Variants in MUC3A observed in about 807,000 individuals in gnomAD.
MUC3A encodes the protein mucin 3A, cell surface associated.
Under a neutral mutation model 109.0 loss-of-function variants are expected in MUC3A, and 109 were observed. The ratio of observed to expected loss-of-function variants is 1.00; its 90% CI spans 0.86 to 1.17. The LOEUF is 1.17. MUC3A is among the 50% of genes most tolerant of loss of function. The pLI is 0.00. For synonymous variants in MUC3A, 1,398 were observed against 981.4 expected (o/e 1.42, Z -7.93); for missense variants, 3,537 against 2,469.4 (o/e 1.43, Z -9.16).
rs1367707763 is a variant in MUC3A at position 100,957,577 on chromosome 7, C to T, written c.5798C>T (p.Thr1933Ile). Residue 1933 changes from threonine to isoleucine, a missense_variant, in exon 2 of 12, where the codon ACC becomes ATC. Physicochemically the swap from Thr to Ile is moderately conservative, Grantham distance 89. Coordinates refer to ENST00000379458, the MANE Select transcript of MUC3A (RefSeq NM_005960.2). Reference sequence around the variant, plus strand: ...ACTTCTTCAATCACCACTACCGAGACCCCCTCACACAGTACTCCCAGATTC... The same window carrying T: ...ACTTCTTCAATCACCACTACCGAGATCCCCTCACACAGTACTCCCAGATTC... The part of the protein sequence containing the change: ...RFTSSITTTE[T>I]PSHSTPRFTS... 14 of 1,313,072 alleles carry T rather than the reference C, an allele frequency of 1.1e-5. No homozygotes were observed. The highest frequency in any genetic ancestry group is 1.2e-5 in the Non-Finnish European group (13 of 1,040,034). 81.3% of individuals were successfully genotyped at this position (1,313,072 alleles called of 1,614,324 possible). A position where few individuals can be genotyped will look rare whatever the true frequency, so the allele number is the denominator to read the frequency against.
chr7:100,959,576 C>T lies in MUC3A; in HGVS notation c.7797C>T (p.Val2599=), dbSNP rs1375103651. The T allele has an allele frequency of 1.3e-6, 2 of 1,595,224 alleles. No homozygotes were observed. Among genetic ancestry groups the T allele is most frequent in the Admixed American group, 1.7e-5 (1 of 59,818 alleles). ...GTQTSPAPTT[V]TFGSTDSSTS... ...AAACATCTCCTGCACCTACTACTGT[C>T]ACCTTTGGAAGTACGGATTCCTCCA... The change falls in exon 2 of 12, where the codon GTC becomes GTT. Residue 2599 remains valine, a synonymous_variant. Transcript: ENST00000379458.
intron 8 of MUC3A, 143 bp from the exon 9 acceptor site, chr7:100,966,243 A>AGACCCGTCCGCTGG (rs1792545612): frequency 2.3e-6 from 2 of 860,700 alleles, no homozygotes; most frequent in South Asian, 5.5e-5. Flanking sequence ...TCTAGGGTGG[A>AGACCCGTCCGCTGG]TTCCCAGCCC....
At chr7:100,961,001 C>G in intron 3 of MUC3A, 64 bp downstream of exon 3, 1 of 1,596,314 alleles carries the variant, frequency 6.3e-7, no homozygotes, top group Non-Finnish European at 8.5e-7. Flanking sequence ...TCTCCCCAGA[C>G]TTATCCCTCT....
intron 5 of MUC3A, chr7:100,963,956 C>A (rs1792432465): frequency 1.4e-6 from 1 of 707,026 alleles, no homozygotes; most frequent in Non-Finnish European, 2.4e-6. Flanking sequence ...TCTTCTTCAG[C>A]ACACTGGAAG....
rs1043884602 is a variant in MUC3A at position 100,959,816 on chromosome 7, C to G, written c.8037C>G (p.Thr2679=). 6.3e-7 allele frequency: 1 copy of G among 1,586,534 alleles called. No individual in the cohort carries two copies. The highest frequency in any genetic ancestry group is 8.5e-7 in the Non-Finnish European group (1 of 1,173,944). ...STNAILTSFS[T]IIWSSTPTII... ...ATGCAATCTTGACTTCTTTTAGTAC[C>G]ATCATCTGGTCCTCAACACCCACTA... is the stretch of plus-strand genomic sequence containing the variant. Residue 2679 remains threonine, a synonymous_variant, in exon 2 of 12, where the codon ACC becomes ACG. Coordinates refer to ENST00000379458, the MANE Select transcript of MUC3A (RefSeq NM_005960.2).
chr7:100,967,962 C>CCAGCCCTAAATACCCCAG lies in MUC3A; in HGVS notation c.*801_*802insAGCCCTAAATACCCCAGC, dbSNP rs1792684217. The CCAGCCCTAAATACCCCAG allele has an allele frequency of 6.5e-6, 1 of 153,738 alleles. No homozygotes were observed. Among genetic ancestry groups the CCAGCCCTAAATACCCCAG allele is most frequent in the African/African-American group, 2.4e-5 (1 of 41,274 alleles). 9.5% of individuals were successfully genotyped at this position (153,738 alleles called of 1,614,324 possible). A position where few individuals can be genotyped will look rare whatever the true frequency, so the allele number is the denominator to read the frequency against. ...TTCATCGGTTCTGCCCCCGACTCCC[C>CCAGCCCTAAATACCCCAG]CTGACCTAAATACCCCAGCTGCTGT... is the stretch of plus-strand genomic sequence containing the variant. On this transcript the variant is annotated 3_prime_UTR_variant, in exon 12 of 12. Coordinates refer to ENST00000379458, the MANE Select transcript of MUC3A (RefSeq NM_005960.2).
In MUC3A at chr7:100,959,181, A is replaced by T. The variant is rs779623241; in HGVS notation, c.7402A>T (p.Thr2468Ser). 3.1e-6 allele frequency: 5 copies of T among 1,596,584 alleles called. No homozygotes were observed. The highest frequency in any genetic ancestry group is 4.2e-6 in the Non-Finnish European group (5 of 1,179,188). Residue 2468 changes from threonine (T) to serine (S), a missense_variant, in exon 2 of 12, where the codon ACT becomes TCT. By Grantham distance (58) the Thr-to-Ser change is moderately conservative. Coordinates refer to ENST00000379458, the MANE Select transcript of MUC3A (RefSeq NM_005960.2). ...AITSHFTTSE[T>S]AVTPTPVTPS... is the part of the protein sequence containing the mutation. ...CACCTCACATTTTACTACCTCAGAG[A>T]CTGCGGTGACTCCCACACCTGTAAC...
At position 100,960,974 on chromosome 7, in the gene MUC3A, C is replaced by G. The variant is rs770546167; in HGVS notation, c.9052+37C>G. The G allele has an allele frequency of 4.4e-6, 7 of 1,598,276 alleles. No homozygotes were observed. The Admixed American group carries it at 1.2e-4, about 27-fold the overall frequency. ...GAGCTATGCCTTCTGCACTTCCTCCCACAGGGTGTCACTGACTCTCCCCAG... is the reference window on the plus strand; with the variant it reads ...GAGCTATGCCTTCTGCACTTCCTCCGACAGGGTGTCACTGACTCTCCCCAG... On this transcript the variant is annotated intron_variant, in intron 3 of 11. Transcript: ENST00000379458.
rs1792633307 is a variant in MUC3A, at chr7:100,967,326, T to G, written c.*164T>G. Reference sequence around the variant, plus strand: ...CAAATCCCATCCTTCTCCTTCCAACTTGGCTGAAACCCACCTGGAGACGCA... The same window carrying G: ...CAAATCCCATCCTTCTCCTTCCAACGTGGCTGAAACCCACCTGGAGACGCA... On this transcript the variant is annotated 3_prime_UTR_variant, in exon 12 of 12. Transcript: ENST00000379458. 8.2e-7 allele frequency: 1 copy of G among 1,216,478 alleles called. No individual in the cohort carries two copies. The highest frequency in any genetic ancestry group is 1.1e-6 in the Non-Finnish European group (1 of 879,708). 75.4% of individuals were successfully genotyped at this position (1,216,478 alleles called of 1,614,324 possible). A position where few individuals can be genotyped will look rare whatever the true frequency, so the allele number is the denominator to read the frequency against.
At chr7:100,964,632 G>A (rs939460826) in intron 5 of MUC3A, 63 bp from the exon 6 acceptor site, 44 of 1,545,104 alleles carry the variant, frequency 2.8e-5, no homozygotes, top group Non-Finnish European at 3.7e-5. Context: ...GCTTCTGGAG[G>A]TGCCCCTCCA....
chr7:100,964,654 GT>G (rs1563074596), intron 5 of MUC3A, 40 bp from the exon 6 acceptor site: 2 of 1,575,278 alleles, frequency 1.3e-6, no homozygotes, highest in Admixed American at 1.7e-5. Context: ...GGACCCATAT[GT>G]TCCTGGCTGG....
chr7:100,956,897 C>G lies in MUC3A; in HGVS notation c.5118C>G (p.Phe1706Leu), dbSNP rs1792110958. The change falls in exon 2 of 12, where the codon TTC becomes TTG. Residue 1706 changes from phenylalanine (F) to leucine (L), a missense_variant. Transcript: ENST00000379458. ...CATCACCTACAACCACCATGTCATT[C>G]ACAACATTTACAAAGATGGAAACAC... is the stretch of plus-strand genomic sequence containing the variant. Reference protein sequence around the residue: ...STPSPTTTMSFTTFTKMETPS... With the variant: ...STPSPTTTMSLTTFTKMETPS... The G allele has an allele frequency of 2.4e-6, 1 of 412,158 alleles. No homozygotes were observed. The highest frequency in any genetic ancestry group is 4.3e-5 in the Admixed American group (1 of 23,224). 25.5% of individuals were successfully genotyped at this position (412,158 alleles called of 1,614,324 possible).
chr7:100,953,097 A>C lies in MUC3A; in HGVS notation c.1318A>C (p.Ser440Arg), dbSNP rs1792015733. 13 of 969,698 alleles carry C rather than the reference A, an allele frequency of 1.3e-5. No individual in the cohort carries two copies. Among genetic ancestry groups the C allele is most frequent in the South Asian group, 1.2e-4 (9 of 72,212 alleles). 60.1% of individuals were successfully genotyped at this position (969,698 alleles called of 1,614,324 possible). A position where few individuals can be genotyped will look rare whatever the true frequency, so the allele number is the denominator to read the frequency against. The change falls in exon 2 of 12, where the codon AGT (serine) becomes CGT (arginine). Residue 440 changes from serine (S) to arginine (R), a missense_variant. Coordinates refer to ENST00000379458, the MANE Select transcript of MUC3A (RefSeq NM_005960.2). ...TSTTMTPSSLSTDIPFTTPTT... is the reference protein window; with the variant it reads ...TSTTMTPSSLRTDIPFTTPTT... ...CACAACCATGACCCCATCTTCTCTG[A>C]GTACAGACATCCCTTTCACAACACC...
Position 100,963,671 on chromosome 7 carries a change from G to T in MUC3A, c.9169-17G>T. The T allele has an allele frequency of 6.3e-7, 1 of 1,598,434 alleles. No individual in the cohort carries two copies. ...CTGCAGGTTCGGACGTGAGCCCAGG[G>T]ATCCTTGGTGTTTCAGATGCAGAAG... On this transcript the variant is annotated splice_polypyrimidine_tract_variant and intron_variant, in intron 4 of 11. Transcript: ENST00000379458.
chr7:100,959,948 C>T lies in MUC3A; in HGVS notation c.8169C>T (p.Gly2723=). ...ACATTTTCAGTACAGAAAATGTGGG[C>T]TCCGCTTCTATCACAGGCTTTCCTA... is the stretch of plus-strand genomic sequence containing the variant. ...SPYIFSTENV[G]SASITGFPSL... is the part of the protein sequence containing the mutation. The change falls in exon 2 of 12, where the codon GGC becomes GGT. Residue 2723 remains glycine (G), a synonymous_variant. Coordinates refer to ENST00000379458, the MANE Select transcript of MUC3A (RefSeq NM_005960.2). 2 of 1,510,352 alleles carry T rather than the reference C, an allele frequency of 1.3e-6. No individual in the cohort carries two copies. The highest frequency in any genetic ancestry group is 2.7e-5 in the South Asian group (2 of 74,904). 93.6% of individuals were successfully genotyped at this position (1,510,352 alleles called of 1,614,324 possible).
intron 1 of MUC3A, 70 bp downstream of exon 1, chr7:100,949,755 A>C: frequency 7.1e-7 from 1 of 1,406,706 alleles, no homozygotes; most frequent in African/African-American, 1.5e-5. Flanking sequence ...GGGGAGGGAA[A>C]AGTGGCTGTA....
chr7:100,959,397 C>T lies in MUC3A; in HGVS notation c.7618C>T (p.Leu2540Phe). Residue 2540 changes from leucine to phenylalanine, a missense_variant, in exon 2 of 12, where the codon CTT becomes TTT. By Grantham distance (22) the Leu-to-Phe change is conservative. Coordinates refer to ENST00000379458, the MANE Select transcript of MUC3A (RefSeq NM_005960.2). ...PSIQSTETSS[L>F]VGTTSPTMST... ...CATCCAAAGTACAGAAACCTCATCCCTTGTGGGCACCACCTCTCCCACCAT... is the reference window on the plus strand; with the variant it reads ...CATCCAAAGTACAGAAACCTCATCCTTTGTGGGCACCACCTCTCCCACCAT... 6.5e-7 allele frequency: 1 copy of T among 1,536,974 alleles called. No individual in the cohort carries two copies. The highest frequency in any genetic ancestry group is 8.7e-7 in the Non-Finnish European group (1 of 1,152,522).
chr7:100,949,671 C>T lies in MUC3A; in HGVS notation c.47C>T (p.Ser16Phe), dbSNP rs1437868859. 6.4e-7 allele frequency: 1 copy of T among 1,552,474 alleles called. No individual in the cohort carries two copies. The highest frequency in any genetic ancestry group is 2.3e-5 in the East Asian group (1 of 42,952). ...GGCCTCCTCTGGATGCTCAAGGCCT[C>T]CCCGTGGGCCACAGGTAAGGGGGAG... ...LLGLLWMLKASPWATGTLSTA... is the reference protein window; with the variant it reads ...LLGLLWMLKAFPWATGTLSTA... The change falls in exon 1 of 12, where the codon TCC becomes TTC. Residue 16 changes from serine (S) to phenylalanine (F), a missense_variant. Coordinates refer to ENST00000379458, the MANE Select transcript of MUC3A (RefSeq NM_005960.2).
Position 100,957,582 on chromosome 7 carries a change from T to A in MUC3A, c.5803T>A (p.Ser1935Thr). Reference sequence around the variant, plus strand: ...TTCAATCACCACTACCGAGACCCCCTCACACAGTACTCCCAGATTCACTTC... The same window carrying A: ...TTCAATCACCACTACCGAGACCCCCACACACAGTACTCCCAGATTCACTTC... ...TSSITTTETP[S>T]HSTPRFTSSI... Residue 1935 changes from serine (S) to threonine (T), a missense_variant, in exon 2 of 12, where the codon TCA becomes ACA. By Grantham distance (58) the Ser-to-Thr change is moderately conservative (BLOSUM62 1). Transcript: ENST00000379458. 1 of 1,574,396 alleles carries A rather than the reference T, an allele frequency of 6.4e-7. No individual in the cohort carries two copies. Among genetic ancestry groups the A allele is most frequent in the Non-Finnish European group, 8.6e-7 (1 of 1,169,326 alleles).
Sources: allele counts gnomAD v4.1 joint callset, GRCh38; gene constraint gnomAD v4.1.1; transcripts MANE v1.5; gene names NCBI Gene and HGNC (gene_info 2026-07-23, HGNC 2026-07-21).